The following CDH13 variants were observed in gnomAD, a reference collection of about 807,000 sequenced individuals.
The protein encoded by CDH13 is cadherin-13.
Under a neutral mutation model 63.8 loss-of-function variants are expected in CDH13, and 24 were observed. The ratio of observed to expected loss-of-function variants is 0.38; its 90% CI spans 0.27 to 0.53. CDH13 has a LOEUF of 0.53. Among genes scored for constraint, CDH13 ranks in the 20% least tolerant of loss-of-function variants. The pLI, the probability that CDH13 is intolerant of heterozygous loss-of-function variation, is 0.85. For missense variants in CDH13, 1,049 were observed against 903.1 expected (o/e 1.16, Z -2.07); for synonymous variants, 503 against 355.3 (o/e 1.42, Z -4.67).
chr16:82,693,607 C>T (rs1168268600), intron 1 of CDH13, among the ~76,000 whole-genome samples: 1 of 152,226 alleles, frequency 6.6e-6, no homozygotes, highest in Non-Finnish European at 1.5e-5. Context: ...CTTATGCAAA[C>T]ATGCCAAGAT....
Position 82,704,413 on chromosome 16 carries a change from T to C in CDH13, c.45+77276T>C, listed in dbSNP as rs73603109. Among the ~76,000 whole-genome samples, 984 of 152,358 alleles carry C rather than the reference T, an allele frequency of 6.5e-3. 8 individuals carry two copies. The highest frequency in any genetic ancestry group is 0.021 in the African/African-American group (854 of 41,572). On this transcript the variant is annotated intron_variant, in intron 1 of 13. Coordinates refer to ENST00000567109, the MANE Select transcript of CDH13 (RefSeq NM_001257.5). Reference sequence around the variant, plus strand: ...ACTTCAACATTTTTGGTGGATGTTCTTCATTTATTCATTCATTCAGTATGC... The same window carrying C: ...ACTTCAACATTTTTGGTGGATGTTCCTCATTTATTCATTCATTCAGTATGC...
chr16:83,683,746 G>A (rs745547086), intron 10 of CDH13, among the ~76,000 whole-genome samples: 1 of 151,900 alleles, frequency 6.6e-6, no homozygotes, highest in Non-Finnish European at 1.5e-5. Flanking sequence ...AAATACTTTG[G>A]TTGAGCAAAA....
intron 1 of CDH13, among the ~76,000 whole-genome samples, chr16:82,735,693 C>A (rs1046661622): frequency 2.6e-5 from 4 of 152,168 alleles, no homozygotes; most frequent in Non-Finnish European, 4.4e-5. Flanking sequence ...GCTTCATTAT[C>A]CCACTGTGAT....
At chr16:83,102,257 C>G (rs61018464) in intron 3 of CDH13, among the ~76,000 whole-genome samples, 22,092 of 152,106 alleles carry the variant, frequency 0.15, 1,910 homozygotes, top group Non-Finnish European at 0.19. Flanking sequence ...ACATTCGACC[C>G]CAGAAATGTA....
intron 6 of CDH13, among the ~76,000 whole-genome samples, chr16:83,481,862 C>G (rs766053907): frequency 6.6e-6 from 1 of 152,164 alleles, no homozygotes; most frequent in Non-Finnish European, 1.5e-5. Flanking sequence ...TCTGGAAACA[C>G]AAGACAAGCC....
intron 2 of CDH13, among the ~76,000 whole-genome samples, chr16:82,993,887 A>G (rs1332420591): frequency 2.0e-5 from 3 of 152,164 alleles, no homozygotes; most frequent in Non-Finnish European, 4.4e-5. Context: ...TCTTTGGTGC[A>G]CAGAGAGGGG....
At chr16:83,767,336 C>G (rs967139230) in intron 11 of CDH13, among the ~76,000 whole-genome samples, 5 of 152,166 alleles carry the variant, frequency 3.3e-5, no homozygotes, top group African/African-American at 1.2e-4. Context: ...TTTCCCCGTA[C>G]TGTTCTTATG....
At chr16:83,323,134 A>C (rs941980530) in intron 5 of CDH13, among the ~76,000 whole-genome samples, 1 of 149,404 alleles carries the variant, frequency 6.7e-6, no homozygotes, top group African/African-American at 2.5e-5. Context: ...TTAGGATTAG[A>C]ATGAAGACCT....
chr16:82,758,398 C>T (rs906224625), intron 1 of CDH13, among the ~76,000 whole-genome samples: 2 of 149,476 alleles, frequency 1.3e-5, no homozygotes, highest in Admixed American at 6.7e-5. Flanking sequence ...GTTTCTGTGT[C>T]ACCACCTTGG....
At position 83,042,524 on chromosome 16, in the gene CDH13, C is replaced by G. The variant is rs1917416468; in HGVS notation, c.366+10306C>G. 2.0e-5 allele frequency among the ~76,000 whole-genome samples: 3 copies of G among 152,100 alleles called. No individual in the cohort carries two copies. The South Asian group carries it at 6.2e-4, about 32-fold the overall frequency. On this transcript the variant is annotated intron_variant, in intron 3 of 13. Transcript: ENST00000567109. ...ACATTATGGTGCGTTGTATACTTATCTCATTGTATATTACAATTAACTAAT... is the reference window on the plus strand; with the variant it reads ...ACATTATGGTGCGTTGTATACTTATGTCATTGTATATTACAATTAACTAAT...
intron 8 of CDH13, among the ~76,000 whole-genome samples, chr16:83,662,692 A>G (rs898921424): frequency 6.6e-6 from 1 of 152,232 alleles, no homozygotes; most frequent in Admixed American, 6.5e-5. Flanking sequence ...AAAATACTTG[A>G]GAAAACATCT....
chr16:82,975,499 A>G (rs970663550), intron 2 of CDH13, among the ~76,000 whole-genome samples: 3 of 152,218 alleles, frequency 2.0e-5, no homozygotes, highest in Non-Finnish European at 2.9e-5. Context: ...TAATAATACT[A>G]TCTGCTCATA....
intron 3 of CDH13, among the ~76,000 whole-genome samples, chr16:83,040,523 G>A (rs983205969): frequency 9.9e-5 from 15 of 152,120 alleles, no homozygotes; most frequent in Admixed American, 7.9e-4. Flanking sequence ...TGTGATGTTC[G>A]AGGCCAGGAA....
intron 1 of CDH13, among the ~76,000 whole-genome samples, chr16:82,645,743 A>C (rs1176686241): frequency 2.0e-5 from 3 of 152,164 alleles, no homozygotes; most frequent in African/African-American, 7.2e-5. Context: ...GCAAGCCGCT[A>C]TTCATGTATA....
At chr16:82,657,370 C>G (rs1911418640) in intron 1 of CDH13, among the ~76,000 whole-genome samples, 1 of 152,192 alleles carries the variant, frequency 6.6e-6, no homozygotes, top group Admixed American at 6.5e-5. Context: ...GTCTGATAAC[C>G]AAGATGGTTA....
At chr16:83,586,613 GC>G in intron 7 of CDH13, among the ~76,000 whole-genome samples, 1 of 152,180 alleles carries the variant, frequency 6.6e-6, no homozygotes, top group Non-Finnish European at 1.5e-5. Context: ...TGTCAGCAGA[GC>G]CAATACAATT....
intron 4 of CDH13, among the ~76,000 whole-genome samples, chr16:83,137,710 G>C (rs16959393): frequency 6.6e-6 from 1 of 152,138 alleles, no homozygotes; most frequent in African/African-American, 2.4e-5. Flanking sequence ...TGACTCAGTC[G>C]ATAAGGGCCG....
At chr16:82,683,937 T>C (rs1597315251) in intron 1 of CDH13, among the ~76,000 whole-genome samples, 2 of 152,264 alleles carry the variant, frequency 1.3e-5, no homozygotes, top group Admixed American at 6.5e-5. Context: ...AATAAAAACA[T>C]GACACATTAA....
intron 2 of CDH13, among the ~76,000 whole-genome samples, chr16:83,020,948 G>C (rs569171907): frequency 6.6e-6 from 1 of 152,186 alleles, no homozygotes; most frequent in Non-Finnish European, 1.5e-5. Context: ...GTGGAGTAAA[G>C]CTCTCTTCAC....
Sources: gnomAD v4.1 joint callset for allele counts (sites outside exome capture counted in the v4.1 genomes callset) on GRCh38, gnomAD v4.1.1 for gene constraint, MANE v1.5 for transcripts, NCBI Gene and HGNC (gene_info 2026-07-23, HGNC 2026-07-21) for gene names.